The following YIPF3 variants were observed in gnomAD, a reference collection of about 807,000 sequenced individuals.
The protein encoded by YIPF3 is protein YIPF3.
A neutral mutation model predicts 40.3 loss-of-function variants in YIPF3; 18 were observed. The ratio of observed to expected loss-of-function variants is 0.45; its 90% CI spans 0.31 to 0.66. The LOEUF (loss-of-function observed/expected upper bound fraction) is 0.66. YIPF3 is among the 30% of genes least tolerant of loss of function. The pLI is 0.07. For missense variants in YIPF3, 406 were observed against 452.2 expected, an observed-to-expected ratio of 0.90 and a Z score of 0.93; for synonymous variants, 190 against 179.6, an observed-to-expected ratio of 1.06 and a Z score of -0.46.
Position 43,516,869 on chromosome 6 carries a change from G to T in YIPF3, c.-62C>A, listed in dbSNP as rs1792854521. The T allele has an allele frequency of 6.6e-7, 1 of 1,526,380 alleles. No homozygotes were observed. The highest frequency in any genetic ancestry group is 2.0e-5 in the Admixed American group (1 of 50,526). 94.6% of individuals were successfully genotyped at this position (1,526,380 alleles called of 1,614,324 possible). A position where few individuals can be genotyped will look rare whatever the true frequency, so the allele number is the denominator to read the frequency against. ...GCCCCGCGCGCGGAGTGGGCAAGAT[G>T]TGGGCCTCCGGAAGGTAGACGTCCA... On this transcript the variant is annotated 5_prime_UTR_variant, in exon 1 of 9. Coordinates refer to ENST00000372422, the MANE Select transcript of YIPF3 (RefSeq NM_015388.4).
At chr6:43,513,044 T>C in intron 6 of YIPF3, 25 bp downstream of exon 6, 1 of 1,613,406 alleles carries the variant, frequency 6.2e-7, no homozygotes. Flanking sequence ...AACATCACTC[T>C]TGCCCACCAC....
chr6:43,512,156 T>C lies in YIPF3; in HGVS notation c.*11A>G. On this transcript the variant is annotated 3_prime_UTR_variant, in exon 9 of 9. Coordinates refer to ENST00000372422, the MANE Select transcript of YIPF3 (RefSeq NM_015388.4). ...GCGGGAAAGAGGACTGGCCAAGAAT[T>C]TCAGGTGGGGTCAGTGTGACTGCAG... The C allele has an allele frequency of 6.2e-7, 1 of 1,614,120 alleles. No individual in the cohort carries two copies. The highest frequency in any genetic ancestry group is 1.3e-5 in the African/African-American group (1 of 75,030).
intron 1 of YIPF3, 78 bp from the exon 2 acceptor site, chr6:43,516,173 G>T: frequency 6.3e-7 from 1 of 1,579,684 alleles, no homozygotes. Flanking sequence ...CAGGGTTTAG[G>T]GCTTTGTTCT....
chr6:43,515,287 C>T (rs545337781), intron 3 of YIPF3: 14 of 490,910 alleles, frequency 2.9e-5, no homozygotes, highest in East Asian at 1.1e-4. Flanking sequence ...CCACCATGCC[C>T]GGCTGGCAAG....
rs1225418292 is a variant in YIPF3 at position 43,512,147 on chromosome 6, G to A, written c.*20C>T. 1 of 1,614,088 alleles carries A rather than the reference G, an allele frequency of 6.2e-7. No homozygotes were observed. Among genetic ancestry groups the A allele is most frequent in the Non-Finnish European group, 8.5e-7 (1 of 1,179,978 alleles). Reference sequence around the variant, plus strand: ...TCTGCAGCTGCGGGAAAGAGGACTGGCCAAGAATTTCAGGTGGGGTCAGTG... The same window carrying A: ...TCTGCAGCTGCGGGAAAGAGGACTGACCAAGAATTTCAGGTGGGGTCAGTG... On this transcript the variant is annotated 3_prime_UTR_variant, in exon 9 of 9. Coordinates refer to ENST00000372422, the MANE Select transcript of YIPF3 (RefSeq NM_015388.4).
intron 7 of YIPF3, 77 bp from the exon 8 acceptor site, chr6:43,512,640 A>G: frequency 1.3e-6 from 2 of 1,546,740 alleles, no homozygotes; most frequent in African/African-American, 1.4e-5. Context: ...CACCCAGGGC[A>G]GAACCATCTT....
At position 43,512,120 on chromosome 6, in the gene YIPF3, TC is replaced by T. The variant is rs1180163196; in HGVS notation, c.*46del. On this transcript the variant is annotated 3_prime_UTR_variant, in exon 9 of 9. Transcript: ENST00000372422. ...GACTGTCCTTTAATAGTCTTCCTCCTCTCTGCAGCTGCGGGAAAGAGGACTG... is the reference window on the plus strand; with the variant it reads ...GACTGTCCTTTAATAGTCTTCCTCCTTCTGCAGCTGCGGGAAAGAGGACTG... 4 of 1,612,396 alleles carry T rather than the reference TC, an allele frequency of 2.5e-6. No individual in the cohort carries two copies. The South Asian group carries it at 4.4e-5, about 18-fold the overall frequency.
In YIPF3 at chr6:43,515,900, C is replaced by T. The variant is rs1045874293; in HGVS notation, c.277G>A (p.Val93Met). The T allele has an allele frequency of 1.9e-6, 3 of 1,597,270 alleles. No individual in the cohort carries two copies. Among genetic ancestry groups the T allele is most frequent in the African/African-American group, 2.7e-5 (2 of 74,294 alleles). ...TCAATCTTGCTTACCTGATCTGCCA[C>T]CTGCCGGCTCAGCTGTCCCTTAAAG... is the stretch of plus-strand genomic sequence containing the variant. ...KGFKGQLSRQ[V>M]ADQMWQAGKR... The change falls in exon 2 of 9, where the codon GTG (valine) becomes ATG (methionine). Residue 93 changes from valine (V) to methionine (M), a missense_variant. Transcript: ENST00000372422.
At position 43,516,907 on chromosome 6, in the gene YIPF3, G is replaced by T; in HGVS notation, c.-100C>A. The stretch of plus-strand genomic sequence containing the variant: ...AGGTAGACGTCCAGGGTCGAGGAGA[G>T]GTGGGATCGGCCGGAACACAAAAAG... On this transcript the variant is annotated 5_prime_UTR_variant, in exon 1 of 9. Transcript: ENST00000372422. The T allele has an allele frequency of 7.3e-7, 1 of 1,363,218 alleles. No homozygotes were observed. Among genetic ancestry groups the T allele is most frequent in the Non-Finnish European group, 1.0e-6 (1 of 978,838 alleles). The allele number at this position is 1,363,218 out of a possible 1,614,324, so 84.4% of individuals were successfully genotyped here.
chr6:43,515,825 A>G lies in YIPF3; in HGVS notation c.288+64T>C, dbSNP rs921778499. On this transcript the variant is annotated intron_variant, in intron 2 of 8. Transcript: ENST00000372422. ...CCTGGGGCGAACATCACCAACACCA[A>G]TTCCAGAACACGGGACATACCTAGG... The G allele has an allele frequency of 1.9e-6, 3 of 1,591,790 alleles. No individual in the cohort carries two copies. The East Asian group carries it at 6.7e-5, about 36-fold the overall frequency.
chr6:43,512,141 G>C lies in YIPF3; in HGVS notation c.*26C>G. On this transcript the variant is annotated 3_prime_UTR_variant, in exon 9 of 9. Transcript: ENST00000372422. Reference sequence around the variant, plus strand: ...CTCCTCTCTGCAGCTGCGGGAAAGAGGACTGGCCAAGAATTTCAGGTGGGG... The same window carrying C: ...CTCCTCTCTGCAGCTGCGGGAAAGACGACTGGCCAAGAATTTCAGGTGGGG... 1 of 1,614,038 alleles carries C rather than the reference G, an allele frequency of 6.2e-7. No individual in the cohort carries two copies. Among genetic ancestry groups the C allele is most frequent in the South Asian group, 1.1e-5 (1 of 91,068 alleles).
intron 1 of YIPF3, chr6:43,516,297 AC>A (rs2127685349): frequency 8.3e-7 from 1 of 1,204,656 alleles, no homozygotes; most frequent in African/African-American, 1.5e-5. Context: ...AGCCTGGGAA[AC>A]CTACTAGTCT....
At chr6:43,515,255 G>T (rs1792766469) in intron 3 of YIPF3, 1 of 468,060 alleles carries the variant, frequency 2.1e-6, no homozygotes, top group African/African-American at 2.0e-5. Context: ...GCCTCCCAAA[G>T]TGCTGGGATT....
chr6:43,516,324 C>T (rs935242660), intron 1 of YIPF3: 3 of 1,007,174 alleles, frequency 3.0e-6, no homozygotes, highest in African/African-American at 3.3e-5. Flanking sequence ...TCATGTCTTT[C>T]TCCTATGTTA....
chr6:43,515,343 G>A (rs779682661), intron 3 of YIPF3: 11 of 585,988 alleles, frequency 1.9e-5, no homozygotes, highest in South Asian at 1.7e-4. Context: ...CTGGGGATGG[G>A]ATTGAGGAAT....
chr6:43,515,735 TA>T, intron 2 of YIPF3, 34 bp from the exon 3 acceptor site: 3 of 1,612,748 alleles, frequency 1.9e-6, no homozygotes, highest in South Asian at 2.2e-5. Flanking sequence ...GGTATTGTGG[TA>T]CTGTTGGTTC....
intron 8 of YIPF3, 48 bp from the exon 9 acceptor site, chr6:43,512,363 C>T (rs747039508): frequency 1.2e-6 from 2 of 1,613,654 alleles, no homozygotes; most frequent in South Asian, 1.1e-5. Context: ...GCCCAGCCCA[C>T]CAGCCATCAT....
chr6:43,512,763 T>A lies in YIPF3; in HGVS notation c.778A>T (p.Met260Leu). 1 of 1,612,872 alleles carries A rather than the reference T, an allele frequency of 6.2e-7. No homozygotes were observed. Among genetic ancestry groups the A allele is most frequent in the African/African-American group, 1.3e-5 (1 of 74,982 alleles). ...LLVGGLSTLR[M>L]VAVLVSRTVG... is the part of the protein sequence containing the mutation. ...TGGAAGCCTCTTGCCCAGCTTACCA[T>A]GCGCAGTGTGGACAGTCCACCCACC... The change falls in exon 7 of 9, where the codon ATG (methionine) becomes TTG (leucine). Residue 260 changes from methionine to leucine, a missense_variant and splice_region_variant. Transcript: ENST00000372422.
At chr6:43,514,378 G>A (rs995391551) in intron 3 of YIPF3, among the ~76,000 whole-genome samples, 2 of 152,216 alleles carry the variant, frequency 1.3e-5, no homozygotes, top group African/African-American at 4.8e-5. Flanking sequence ...GTGTTACTGA[G>A]GGAATAGTAA....
Sources: gnomAD v4.1 joint callset for allele counts (sites outside exome capture counted in the v4.1 genomes callset) on GRCh38, gnomAD v4.1.1 for gene constraint, MANE v1.5 for transcripts, NCBI Gene and HGNC (gene_info 2026-07-23, HGNC 2026-07-21) for gene names.